Variants in GPR137C observed in about 807,000 individuals in gnomAD.
The protein encoded by GPR137C is G protein-coupled receptor 137C.
In GPR137C, 27 loss-of-function variants were observed where a neutral mutation model predicts 43.4. The ratio of observed to expected loss-of-function variants is 0.62; its 90% confidence interval spans 0.46 to 0.86. GPR137C has a LOEUF of 0.86. Among genes scored for constraint, GPR137C ranks in the 40% least tolerant of loss-of-function variants. The pLI is 0.00. For missense variants in GPR137C, 522 were observed against 534.6 expected, an observed-to-expected ratio of 0.98 and a Z score of 0.23; for synonymous variants, 285 against 226.9, an observed-to-expected ratio of 1.26 and a Z score of -2.30.
intron 1 of GPR137C, among the ~76,000 whole-genome samples, chr14:52,578,138 T>C (rs1283493209): frequency 6.6e-6 from 1 of 152,194 alleles, no homozygotes; most frequent in Non-Finnish European, 1.5e-5. Context: ...TGAAATTTCA[T>C]AGTGATGTAT....
At chr14:52,629,544 A>G (rs967191507) in intron 3 of GPR137C, among the ~76,000 whole-genome samples, 3 of 152,204 alleles carry the variant, frequency 2.0e-5, no homozygotes, top group Non-Finnish European at 2.9e-5. Context: ...ATCCAAAAAC[A>G]AGGATGAATC....
At chr14:52,588,714 T>A (rs1246223081) in intron 1 of GPR137C, among the ~76,000 whole-genome samples, 1 of 152,148 alleles carries the variant, frequency 6.6e-6, no homozygotes, top group Non-Finnish European at 1.5e-5. Context: ...TCCTGGATTT[T>A]TTTTCATAAA....
Position 52,635,198 on chromosome 14 carries a change from T to C in GPR137C, c.*83T>C. 8.7e-7 allele frequency: 1 copy of C among 1,155,346 alleles called. No individual in the cohort carries two copies. The highest frequency in any genetic ancestry group is 1.2e-6 in the Non-Finnish European group (1 of 845,310). The allele number at this position is 1,155,346 out of a possible 1,614,324, so 71.6% of individuals were successfully genotyped here. On this transcript the variant is annotated 3_prime_UTR_variant, in exon 7 of 7. Transcript: ENST00000321662. ...GTTTAAATTCCATCTACATAAACATTCCATTATCTGTTGCAACTGAAAACA... is the reference window on the plus strand; with the variant it reads ...GTTTAAATTCCATCTACATAAACATCCCATTATCTGTTGCAACTGAAAACA...
At chr14:52,567,770 C>A (rs2038395525) in intron 1 of GPR137C, among the ~76,000 whole-genome samples, 1 of 149,482 alleles carries the variant, frequency 6.7e-6, no homozygotes, top group South Asian at 2.1e-4. Flanking sequence ...AGTGATTTAT[C>A]TGCCCCAGCC....
At chr14:52,625,532 CTTTTTTTTTTTTTTTTTTTTTTT>C (rs770278309) in intron 3 of GPR137C, among the ~76,000 whole-genome samples, 2 of 36,058 alleles carry the variant, frequency 5.5e-5, no homozygotes, top group African/African-American at 1.1e-4. Flanking sequence ...AAGAACACAT[CTTTTTTTTTTTTTTTTTTTTTTT>C]TTTTTTTTTT....
In GPR137C at chr14:52,635,036, A is replaced by T. The variant is rs746716737; in HGVS notation, c.1211A>T (p.Asp404Val). 1.2e-6 allele frequency: 2 copies of T among 1,611,764 alleles called. No individual in the cohort carries two copies. The highest frequency in any genetic ancestry group is 4.5e-5 in the East Asian group (2 of 44,810). The change falls in exon 7 of 7, where the codon GAT becomes GTT. Residue 404 changes from aspartate to valine, a missense_variant. Asp to Val is a radical substitution (Grantham distance 152, BLOSUM62 -3). Transcript: ENST00000321662. ...CCCCACCTGAATGGACCTATGACAG[A>T]TACTGCTCCTTTGCTCTTTACTTGT... ...VTPHLNGPMTDTAPLLFTCSN... is the reference protein window; with the variant it reads ...VTPHLNGPMTVTAPLLFTCSN...
intron 3 of GPR137C, chr14:52,612,002 A>G: frequency 1.0e-6 from 1 of 985,368 alleles, no homozygotes; most frequent in Admixed American, 6.1e-5. Context: ...ATTTGGCAGA[A>G]TGTTGTTCTT....
intron 1 of GPR137C, among the ~76,000 whole-genome samples, chr14:52,566,787 G>A (rs1378034195): frequency 2.0e-5 from 3 of 152,188 alleles, no homozygotes; most frequent in African/African-American, 7.2e-5. Context: ...TCCAGGTTTT[G>A]TAAACTGGAT....
intron 1 of GPR137C, among the ~76,000 whole-genome samples, chr14:52,589,260 G>A (rs1366160242): frequency 1.3e-5 from 2 of 152,134 alleles, no homozygotes; most frequent in African/African-American, 4.8e-5. Flanking sequence ...TAATGAATGG[G>A]TATAGAGTTT....
chr14:52,574,239 A>T (rs892512360), intron 1 of GPR137C, among the ~76,000 whole-genome samples: 2 of 152,248 alleles, frequency 1.3e-5, no homozygotes, highest in Admixed American at 6.5e-5. Flanking sequence ...AAGGATTATT[A>T]GTCATTCTAC....
intron 1 of GPR137C, among the ~76,000 whole-genome samples, chr14:52,555,754 A>G (rs934219567): frequency 6.6e-6 from 1 of 152,210 alleles, no homozygotes; most frequent in Non-Finnish European, 1.5e-5. Context: ...TGCCTGCTAA[A>G]AAGAGTGTGA....
intron 1 of GPR137C, among the ~76,000 whole-genome samples, chr14:52,591,260 T>C (rs1023254529): frequency 6.6e-6 from 1 of 152,208 alleles, no homozygotes; most frequent in African/African-American, 2.4e-5. Context: ...CTTCCAAGTC[T>C]TTACTATTGT....
Position 52,552,891 on chromosome 14 carries a change from A to C in GPR137C, c.-257A>C, listed in dbSNP as rs560688240. ...TTTCTCAGCTGATTGTCTCCAGCCGAGAGTTGTTTTTTGCAGCTACGGAGC... is the reference window on the plus strand; with the variant it reads ...TTTCTCAGCTGATTGTCTCCAGCCGCGAGTTGTTTTTTGCAGCTACGGAGC... On this transcript the variant is annotated 5_prime_UTR_variant, in exon 1 of 7. Coordinates refer to ENST00000321662, the MANE Select transcript of GPR137C (RefSeq NM_001099652.2). Among the ~76,000 whole-genome samples the C allele has an allele frequency of 1.3e-5, 2 of 150,706 alleles. No homozygotes were observed. The highest frequency in any genetic ancestry group is 4.9e-5 in the African/African-American group (2 of 40,758).
In GPR137C at chr14:52,598,246, AT is replaced by A. The variant is rs10719030; in HGVS notation, c.445-16del. 4,818 of 973,686 alleles carry A rather than the reference AT, an allele frequency of 4.9e-3. 4 individuals are homozygous for A. Among genetic ancestry groups the A allele is most frequent in the South Asian group, 8.7e-3 (440 of 50,568 alleles). The allele number at this position is 973,686 out of a possible 1,614,324, so 60.3% of individuals were successfully genotyped here. ...GAATTCTATATTACACGTTTTCAAA[AT>A]TTTTTTTTTATATTCTCTTTATAGG... is the stretch of plus-strand genomic sequence containing the variant. On this transcript the variant is annotated intron_variant, in intron 1 of 6. Transcript: ENST00000321662.
chr14:52,600,885 G>C (rs1347972211), intron 3 of GPR137C, among the ~76,000 whole-genome samples: 1 of 152,176 alleles, frequency 6.6e-6, no homozygotes, highest in Non-Finnish European at 1.5e-5. Context: ...GCAATGTTAA[G>C]ATGTCATATA....
chr14:52,587,769 A>G (rs1243229781), intron 1 of GPR137C, among the ~76,000 whole-genome samples: 1 of 152,154 alleles, frequency 6.6e-6, no homozygotes, highest in East Asian at 1.9e-4. Context: ...GACTCCTTCA[A>G]TAAAAAGTAA....
intron 3 of GPR137C, among the ~76,000 whole-genome samples, chr14:52,609,379 C>T (rs2039014978): frequency 6.6e-6 from 1 of 152,194 alleles, no homozygotes; most frequent in South Asian, 2.1e-4. Flanking sequence ...TTTGAGAGAT[C>T]TCACATCTCC....
chr14:52,591,528 T>G (rs1043522554), intron 1 of GPR137C, among the ~76,000 whole-genome samples: 23 of 152,188 alleles, frequency 1.5e-4, no homozygotes, highest in Non-Finnish European at 2.4e-4. Context: ...TTCTAACTGG[T>G]GTGAAATGGT....
chr14:52,558,363 G>A (rs2038227216), intron 1 of GPR137C, among the ~76,000 whole-genome samples: 4 of 152,156 alleles, frequency 2.6e-5, no homozygotes, highest in Admixed American at 6.5e-5. Flanking sequence ...CAGGTCCTCA[G>A]AGCTAGATAG....
Sources: gnomAD v4.1 joint callset for allele counts (sites outside exome capture counted in the v4.1 genomes callset) on GRCh38, gnomAD v4.1.1 for gene constraint, MANE v1.5 for transcripts, NCBI Gene and HGNC (gene_info 2026-07-23, HGNC 2026-07-21) for gene names.